FANCA: variants seen among roughly 807,000 people sequenced by gnomAD.
FANCA encodes the protein FA complementation group A, also known as Fanconi anemia group A protein.
Under a neutral mutation model 194.3 loss-of-function variants are expected in FANCA, and 236 were observed. That is an observed-to-expected ratio of 1.21 (90% CI 1.09 to 1.35). The LOEUF is 1.35. Ranked by LOEUF, FANCA falls within the 40% of genes most tolerant of loss-of-function variation. The probability of loss-of-function intolerance (pLI) is 0.00; values close to 1 mark genes in which losing one functional copy is unlikely to be tolerated. For missense variants in FANCA, 2,628 were observed against 1,813.9 expected, an observed-to-expected ratio of 1.45 and a Z score of -8.15; for synonymous variants, 1,014 against 715.8, an observed-to-expected ratio of 1.42 and a Z score of -6.65.
intron 22 of FANCA, among the ~76,000 whole-genome samples, chr16:89,772,146 C>T (rs931200115): frequency 2.6e-5 from 4 of 152,232 alleles, no homozygotes; most frequent in Non-Finnish European, 5.9e-5. Context: ...AAGCGCATGC[C>T]AGAGGTTCCA....
chr16:89,771,529 G>A (rs1277307808), intron 23 of FANCA, 149 bp downstream of exon 23: 4 of 825,504 alleles, frequency 4.8e-6, no homozygotes, highest in East Asian at 4.9e-5. Flanking sequence ...AGCTGACCCT[G>A]GTACACCGCT....
At chr16:89,787,713 G>A (rs566060366) in intron 14 of FANCA, among the ~76,000 whole-genome samples, 1 of 151,954 alleles carries the variant, frequency 6.6e-6, no homozygotes, top group African/African-American at 2.4e-5. Context: ...CCCAGCCTGG[G>A]AGACAGAACA....
chr16:89,777,125 G>C (rs2039534151), intron 20 of FANCA, among the ~76,000 whole-genome samples: 1 of 152,014 alleles, frequency 6.6e-6, no homozygotes, highest in Non-Finnish European at 1.5e-5. Flanking sequence ...GGGAAGGATT[G>C]TTGAAACCCA....
chr16:89,756,199 A>G (rs1598087816), intron 30 of FANCA, among the ~76,000 whole-genome samples: 2 of 152,348 alleles, frequency 1.3e-5, no homozygotes, highest in East Asian at 3.8e-4. Flanking sequence ...CAAATGGGCT[A>G]AGGATGTGAA....
chr16:89,777,074 G>C (rs952318691), intron 20 of FANCA, among the ~76,000 whole-genome samples: 1 of 152,154 alleles, frequency 6.6e-6, no homozygotes, highest in Non-Finnish European at 1.5e-5. Flanking sequence ...GCTGGGTGTG[G>C]TGGAGCGCGC....
intron 28 of FANCA, chr16:89,764,688 C>G: frequency 2.9e-6 from 2 of 687,048 alleles, no homozygotes; most frequent in Non-Finnish European, 5.4e-6. Flanking sequence ...TGCTGCTGTT[C>G]TTGCCTCTGA....
intron 14 of FANCA, among the ~76,000 whole-genome samples, chr16:89,789,206 T>C (rs113401304): frequency 0.051 from 7,736 of 151,686 alleles, 692 homozygotes; most frequent in African/African-American, 0.18. Flanking sequence ...CTTTAAGGAA[T>C]AGAAGTGAGT....
At chr16:89,780,790 C>G (rs1048999775) in intron 17 of FANCA, among the ~76,000 whole-genome samples, 5 of 152,014 alleles carry the variant, frequency 3.3e-5, no homozygotes, top group African/African-American at 1.2e-4. Flanking sequence ...ACCAGCCAGG[C>G]ATGGTGGCGC....
chr16:89,739,730 G>C (rs904003922), intron 39 of FANCA, 177 bp from the exon 40 acceptor site: 1 of 1,499,028 alleles, frequency 6.7e-7, no homozygotes, highest in Admixed American at 2.1e-5. Context: ...GAGAGGATGG[G>C]GGGGTCGACC....
At chr16:89,757,909 GCT>G (rs1218889146) in intron 30 of FANCA, among the ~76,000 whole-genome samples, 1 of 152,152 alleles carries the variant, frequency 6.6e-6, no homozygotes, top group Non-Finnish European at 1.5e-5. Flanking sequence ...ACAGAGTCTT[GCT>G]CTGTCGCCCA....
intron 14 of FANCA, among the ~76,000 whole-genome samples, chr16:89,788,583 G>A (rs1473284803): frequency 6.6e-6 from 1 of 152,180 alleles, no homozygotes; most frequent in African/African-American, 2.4e-5. Flanking sequence ...GATCGCATGA[G>A]GCCAGGAATC....
intron 33 of FANCA, 65 bp downstream of exon 33, chr16:89,748,594 A>C: frequency 1.6e-6 from 2 of 1,257,406 alleles, no homozygotes; most frequent in African/African-American, 1.5e-5. Flanking sequence ...TGGAGGCTGC[A>C]AGAGCTGCTG....
chr16:89,784,610 T>C (rs1429626170), intron 15 of FANCA, among the ~76,000 whole-genome samples: 4 of 151,664 alleles, frequency 2.6e-5, no homozygotes, highest in Non-Finnish European at 5.9e-5. Flanking sequence ...GAGAAAAGGG[T>C]TTCTTAGCAG....
Position 89,769,869 on chromosome 16 carries a change from A to G in FANCA, c.2472T>C (p.Cys824=), listed in dbSNP as rs2039261844. 2.5e-6 allele frequency: 4 copies of G among 1,614,156 alleles called. No individual in the cohort carries two copies. The East Asian group carries it at 8.9e-5, about 36-fold the overall frequency. Residue 824 remains cysteine (C), a synonymous_variant, in exon 26 of 43, where the codon TGT becomes TGC. Transcript: ENST00000389301. ...AGAAGAACAAGGAATCCCTCGTCCT[A>G]CAGGTCAGGAGGCTGTCAAAGAGCG... The part of the protein sequence containing the change: ...VPALFDSLLT[C]RTRDSLFFCL...
chr16:89,740,509 G>T (rs777947740), intron 38 of FANCA: 2 of 489,170 alleles, frequency 4.1e-6, no homozygotes, highest in African/African-American at 1.9e-5. Flanking sequence ...ACAGACTCAC[G>T]CCTGTAATCC....
At chr16:89,776,631 T>A (rs2039515973) in intron 20 of FANCA, among the ~76,000 whole-genome samples, 1 of 150,976 alleles carries the variant, frequency 6.6e-6, no homozygotes, top group African/African-American at 2.4e-5. Flanking sequence ...ATTGAGACCA[T>A]CCTGGCTAAC....
intron 3 of FANCA, among the ~76,000 whole-genome samples, chr16:89,813,127 T>C (rs1003519244): frequency 2.6e-5 from 4 of 151,570 alleles, no homozygotes; most frequent in Non-Finnish European, 5.9e-5. Flanking sequence ...GGTAGAAAAG[T>C]AGACAGATGG....
In FANCA at chr16:89,737,780, G is replaced by A. The variant is rs1438934521; in HGVS notation, c.*821C>T. 2 of 1,614,016 alleles carry A rather than the reference G, an allele frequency of 1.2e-6. No homozygotes were observed. The highest frequency in any genetic ancestry group is 1.3e-5 in the African/African-American group (1 of 75,044). ...CGGGAGGTTGGAGCATCAGGGGCCTGGACTCACTGGACTCTCCCCTCTCAG... is the reference window on the plus strand; with the variant it reads ...CGGGAGGTTGGAGCATCAGGGGCCTAGACTCACTGGACTCTCCCCTCTCAG... On this transcript the variant is annotated 3_prime_UTR_variant, in exon 43 of 43. Transcript: ENST00000389301.
intron 8 of FANCA, among the ~76,000 whole-genome samples, chr16:89,801,032 CA>C (rs59752200): frequency 2.1e-3 from 150 of 72,968 alleles, no homozygotes; most frequent in Admixed American, 4.1e-3. Flanking sequence ...GACTCCATCT[CA>C]AAAAAAAAAA....
Sources: gnomAD v4.1 joint callset for allele counts (sites outside exome capture counted in the v4.1 genomes callset) on GRCh38, gnomAD v4.1.1 for gene constraint, MANE v1.5 for transcripts, NCBI Gene and HGNC (gene_info 2026-07-23, HGNC 2026-07-21) for gene names.